SLC43A1: variants seen among roughly 807,000 people sequenced by gnomAD.
The protein encoded by SLC43A1 is large neutral amino acids transporter small subunit 3.
SLC43A1 carries 31 observed loss-of-function variants against 59.5 expected under a neutral mutation model. The observed-to-expected ratio is 0.52, with a 90% confidence interval of 0.39 to 0.70. SLC43A1 has a LOEUF of 0.70. Among genes scored for constraint, SLC43A1 ranks in the 30% least tolerant of loss-of-function variants. SLC43A1 has a pLI of 0.00. For missense variants in SLC43A1, 598 were observed against 717.8 expected (o/e 0.83, Z 1.91); for synonymous variants, 259 against 290.9 (o/e 0.89, Z 1.12).
chr11:57,497,226 T>A (rs1565132207), intron 6 of SLC43A1, among the ~76,000 whole-genome samples: 1 of 152,142 alleles, frequency 6.6e-6, no homozygotes, highest in Non-Finnish European at 1.5e-5. Flanking sequence ...CTTTGATATT[T>A]GACAGAGGAA....
chr11:57,511,284 TGGATGTGTTGATGC>T (rs1176915005), intron 2 of SLC43A1, among the ~76,000 whole-genome samples: 2 of 151,810 alleles, frequency 1.3e-5, no homozygotes, highest in Non-Finnish European at 2.9e-5. Context: ...TTTAATTAGC[TGGATGTGTTGATGC>T]GGGCCTGTAG....
intron 2 of SLC43A1, among the ~76,000 whole-genome samples, chr11:57,511,983 AT>A (rs1464807501): frequency 6.6e-6 from 1 of 152,192 alleles, no homozygotes; most frequent in Non-Finnish European, 1.5e-5. Context: ...CTGTTCTGAA[AT>A]GGACTCTGGT....
chr11:57,493,233 C>A (rs1943986528), intron 8 of SLC43A1, among the ~76,000 whole-genome samples: 2 of 152,258 alleles, frequency 1.3e-5, no homozygotes, highest in East Asian at 3.9e-4. Flanking sequence ...AGCAGGTCAG[C>A]CTAACTCCAG....
rs146065604 is a variant in SLC43A1 at position 57,485,102 on chromosome 11, G to A, written c.1674C>T (p.Thr558=). ...GTCCCTTGGTCTGAGAAGTCTATGC[G>A]GTCACCTCAGAGCCGCTAAGCACCT... The part of the protein sequence containing the change: ...PLKVLSGSEV[T]A The change falls in exon 15 of 15, where the codon ACC becomes ACT. Residue 558 remains threonine (T), a synonymous_variant. Coordinates refer to ENST00000278426, the MANE Select transcript of SLC43A1 (RefSeq NM_003627.6). The A allele has an allele frequency of 2.0e-5, 33 of 1,612,404 alleles. No homozygotes were observed. Among genetic ancestry groups the A allele is most frequent in the East Asian group, 1.8e-4 (8 of 44,862 alleles).
chr11:57,509,672 AGGAGGGAG>A (rs1364942376), intron 2 of SLC43A1, among the ~76,000 whole-genome samples: 2 of 87,112 alleles, frequency 2.3e-5, no homozygotes, highest in African/African-American at 9.2e-5. Context: ...GAGGAAGGGA[AGGAGGGAG>A]GGAGGGAGAG....
intron 2 of SLC43A1, among the ~76,000 whole-genome samples, chr11:57,511,450 G>C (rs1014650396): frequency 6.6e-6 from 1 of 151,414 alleles, no homozygotes; most frequent in Non-Finnish European, 1.5e-5. Context: ...AAAAAAAAAA[G>C]TCCAGAAGAA....
At chr11:57,485,719 G>A (rs915160264) in intron 14 of SLC43A1, among the ~76,000 whole-genome samples, 1 of 152,178 alleles carries the variant, frequency 6.6e-6, no homozygotes, top group Non-Finnish European at 1.5e-5. Flanking sequence ...GCTCTGACTC[G>A]GTTCACATCC....
chr11:57,514,698 G>A lies in SLC43A1; in HGVS notation c.-13-574C>T. 1 of 451,852 alleles carries A rather than the reference G, an allele frequency of 2.2e-6. No individual in the cohort carries two copies. The highest frequency in any genetic ancestry group is 2.9e-6 in the Non-Finnish European group (1 of 341,940). 28.0% of individuals were successfully genotyped at this position (451,852 alleles called of 1,614,324 possible). On this transcript the variant is annotated intron_variant, in intron 1 of 14. Coordinates refer to ENST00000278426, the MANE Select transcript of SLC43A1 (RefSeq NM_003627.6). The surrounding 1 kb of genome is among the most constrained non-coding windows in gnomAD (Gnocchi z 5.5). ...GACCCACGACCCTACAGTCTCTCGG[G>A]CCAAGCCAACAGCTGCCACGTGGAG...
intron 13 of SLC43A1, among the ~76,000 whole-genome samples, chr11:57,488,647 G>C (rs780074600): frequency 4.9e-4 from 74 of 152,282 alleles, no homozygotes; most frequent in Non-Finnish European, 8.7e-4. Flanking sequence ...GGGCATGGAG[G>C]GGAGGCCATT....
intron 8 of SLC43A1, 40 bp downstream of exon 8, chr11:57,493,953 T>A: frequency 6.5e-7 from 1 of 1,538,052 alleles, no homozygotes; most frequent in South Asian, 1.3e-5. Flanking sequence ...GGACCCACCA[T>A]CACTATCCCC....
chr11:57,495,739 G>A (rs185044513), intron 7 of SLC43A1, among the ~76,000 whole-genome samples: 7 of 152,080 alleles, frequency 4.6e-5, no homozygotes, highest in Admixed American at 1.3e-4. Context: ...GGAGAGGTTC[G>A]CTTGAGCCCA....
intron 8 of SLC43A1, among the ~76,000 whole-genome samples, chr11:57,493,528 C>T (rs902462552): frequency 1.3e-5 from 2 of 152,208 alleles, no homozygotes; most frequent in Non-Finnish European, 2.9e-5. Context: ...TTCCACTTAT[C>T]ATGGAGCTGG....
chr11:57,494,426 A>G, intron 7 of SLC43A1: 1 of 480,614 alleles, frequency 2.1e-6, no homozygotes, highest in Non-Finnish European at 3.6e-6. Context: ...AGGAGGCAGC[A>G]TTAACACCTC....
intron 2 of SLC43A1, among the ~76,000 whole-genome samples, chr11:57,512,086 G>A (rs1003115267): frequency 2.0e-5 from 3 of 152,156 alleles, no homozygotes; most frequent in Non-Finnish European, 4.4e-5. Context: ...TCTTAATAAA[G>A]CTGTTTTACA....
In SLC43A1 at chr11:57,500,997, C is replaced by G. The variant is rs886778897; in HGVS notation, c.379G>C (p.Asp127His). The G allele has an allele frequency of 2.5e-6, 4 of 1,599,322 alleles. No individual in the cohort carries two copies. The highest frequency in any genetic ancestry group is 1.7e-5 in the Admixed American group (1 of 57,206). Residue 127 changes from aspartate to histidine, a missense_variant, in exon 4 of 15, where the codon GAC (aspartate) becomes CAC (histidine). By Grantham distance (81) the Asp-to-His change is moderately conservative. Transcript: ENST00000278426. Reference sequence around the variant, plus strand: ...AGGACAGACAACTCACCTTCCACGTCCCGGGAGGCCAGGGCCATGAGGGTG... The same window carrying G: ...AGGACAGACAACTCACCTTCCACGTGCCGGGAGGCCAGGGCCATGAGGGTG... ...SCTLMALASRDVEALSPLIFL... is the reference protein window; with the variant it reads ...SCTLMALASRHVEALSPLIFL...
At position 57,485,126 on chromosome 11, in the gene SLC43A1, C is replaced by T; in HGVS notation, c.1650G>A (p.Lys550=). 1 of 1,614,074 alleles carries T rather than the reference C, an allele frequency of 6.2e-7. No individual in the cohort carries two copies. Among genetic ancestry groups the T allele is most frequent in the East Asian group, 2.2e-5 (1 of 44,868 alleles). Residue 550 remains lysine, a synonymous_variant, in exon 15 of 15, where the codon AAG becomes AAA. Coordinates refer to ENST00000278426, the MANE Select transcript of SLC43A1 (RefSeq NM_003627.6). ...EYAANGMGPL[K]VLSGSEVTA is the part of the protein sequence containing the mutation. ...CGGTCACCTCAGAGCCGCTAAGCAC[C>T]TTCAGTGGGCCCATCCCATTGGCGG...
chr11:57,512,164 G>T (rs1013404873), intron 2 of SLC43A1, among the ~76,000 whole-genome samples: 1 of 152,136 alleles, frequency 6.6e-6, no homozygotes, highest in African/African-American at 2.4e-5. Context: ...GTTTGAGGAG[G>T]TTCTAAATAT....
intron 8 of SLC43A1, 41 bp from the exon 9 acceptor site, chr11:57,491,903 C>T (rs1264757432): frequency 6.2e-7 from 1 of 1,601,086 alleles, no homozygotes; most frequent in Non-Finnish European, 8.5e-7. Context: ...CCCAGACCTT[C>T]CACTGCCCTC....
rs967731969 is a variant in SLC43A1 at position 57,514,327 on chromosome 11, C to T, written c.-13-203G>A. ...TGCCAGAGGTGCACGCGGCACGGGGCTCCCGCTGAGCCACTATCGGAAACA... is the reference window on the plus strand; with the variant it reads ...TGCCAGAGGTGCACGCGGCACGGGGTTCCCGCTGAGCCACTATCGGAAACA... On this transcript the variant is annotated intron_variant, in intron 1 of 14. Transcript: ENST00000278426. The surrounding 1 kb of genome is among the most constrained non-coding windows in gnomAD (Gnocchi z 5.5). The T allele has an allele frequency of 1.9e-5, 11 of 580,162 alleles. No homozygotes were observed. Among genetic ancestry groups the T allele is most frequent in the Non-Finnish European group, 3.0e-5 (10 of 333,826 alleles). The allele number at this position is 580,162 out of a possible 1,614,324, so 35.9% of individuals were successfully genotyped here. A position where few individuals can be genotyped will look rare whatever the true frequency, so the allele number is the denominator to read the frequency against.
Sources: gnomAD v4.1 joint callset for allele counts (sites outside exome capture counted in the v4.1 genomes callset) on GRCh38, gnomAD v4.1.1 for gene constraint, Gnocchi (gnomAD v3.1) non-coding constraint, MANE v1.5 for transcripts, NCBI Gene and HGNC (gene_info 2026-07-23, HGNC 2026-07-21) for gene names.